Variants in METTL25 observed in about 807,000 individuals in gnomAD.
METTL25 encodes methyltransferase like 25, also known as probable methyltransferase-like protein 25.
A neutral mutation model predicts 71.6 loss-of-function variants in METTL25; 64 were observed. That is an observed-to-expected ratio of 0.89 (90% CI 0.73 to 1.10). The LOEUF (loss-of-function observed/expected upper bound fraction) is 1.10, where lower values mean the gene tolerates loss of function less well. METTL25 is among the 50% of genes least tolerant of loss of function. The pLI is 0.00. For synonymous variants in METTL25, 287 were observed against 250.3 expected (o/e 1.15, Z -1.38); for missense variants, 807 against 707.0 (o/e 1.14, Z -1.60).
chr12:82,434,747 G>A, intron 7 of METTL25, 23 bp downstream of exon 7: 1 of 1,604,594 alleles, frequency 6.2e-7, no homozygotes, highest in Non-Finnish European at 8.5e-7. Flanking sequence ...GTTAACTGAT[G>A]AACACGACAG....
chr12:82,439,897 TTC>T (rs1219391194), intron 8 of METTL25: 10 of 790,050 alleles, frequency 1.3e-5, no homozygotes, highest in Non-Finnish European at 1.5e-5. Flanking sequence ...TTAAATTTGT[TTC>T]TGTTCTTTTC....
chr12:82,414,627 G>T (rs1222409388), intron 5 of METTL25, among the ~76,000 whole-genome samples: 1 of 152,072 alleles, frequency 6.6e-6, no homozygotes, highest in Non-Finnish European at 1.5e-5. Context: ...CTTAAAAGAA[G>T]TAGTAAAGAG....
At chr12:82,367,079 T>C (rs1348212123) in intron 1 of METTL25, among the ~76,000 whole-genome samples, 1 of 152,218 alleles carries the variant, frequency 6.6e-6, no homozygotes, top group Non-Finnish European at 1.5e-5. Context: ...ATTTGTTTTC[T>C]AATTTTTAAT....
intron 11 of METTL25, among the ~76,000 whole-genome samples, chr12:82,477,751 A>G (rs1038774283): frequency 2.6e-5 from 4 of 151,822 alleles, no homozygotes; most frequent in African/African-American, 9.7e-5. Context: ...TCTGCAGAAT[A>G]GAAACTTCTT....
chr12:82,369,592 G>C, intron 1 of METTL25: 1 of 297,920 alleles, frequency 3.4e-6, no homozygotes, highest in Non-Finnish European at 6.7e-6. Context: ...AGGTGATGCA[G>C]ACCCAAAGAG....
At chr12:82,390,497 A>G (rs921418435) in intron 3 of METTL25, among the ~76,000 whole-genome samples, 1 of 151,930 alleles carries the variant, frequency 6.6e-6, no homozygotes, top group African/African-American at 2.4e-5. Context: ...ATAGTAAGTT[A>G]TTTTTCTTAT....
At chr12:82,423,373 C>T (rs1368145856) in intron 5 of METTL25, among the ~76,000 whole-genome samples, 1 of 152,128 alleles carries the variant, frequency 6.6e-6, no homozygotes, top group Non-Finnish European at 1.5e-5. Flanking sequence ...CTTCCTTACA[C>T]CTTATACAAA....
intron 1 of METTL25, among the ~76,000 whole-genome samples, chr12:82,360,909 G>C (rs1249362460): frequency 6.6e-6 from 1 of 152,154 alleles, no homozygotes; most frequent in Non-Finnish European, 1.5e-5. Flanking sequence ...CGGGTTCGTG[G>C]TCTCGCTGGC....
intron 1 of METTL25, among the ~76,000 whole-genome samples, chr12:82,378,191 T>G (rs10778902): frequency 0.85 from 129,079 of 152,170 alleles, 55,128 homozygotes; most frequent in East Asian, 1. Flanking sequence ...TGACAGTCAC[T>G]GAGGCTTAAT....
Position 82,477,305 on chromosome 12 carries a change from A to G in METTL25, c.1672A>G (p.Ile558Val), listed in dbSNP as rs567790363. The change falls in exon 11 of 12, where the codon ATA becomes GTA. Residue 558 changes from isoleucine (I) to valine (V), a missense_variant. Ile to Val is a conservative substitution (Grantham distance 29, BLOSUM62 3). Coordinates refer to ENST00000248306, the MANE Select transcript of METTL25 (RefSeq NM_032230.3). Reference sequence around the variant, plus strand: ...GTTGAAAGTTGTACTGGCTCCCTGTATAGAGACTTTGATTCTTCTGGATCG... The same window carrying G: ...GTTGAAAGTTGTACTGGCTCCCTGTGTAGAGACTTTGATTCTTCTGGATCG... ...NMLKVVLAPC[I>V]ETLILLDRLC... is the part of the protein sequence containing the mutation. 1.9e-6 allele frequency: 3 copies of G among 1,575,238 alleles called. No individual in the cohort carries two copies. Among genetic ancestry groups the G allele is most frequent in the African/African-American group, 1.4e-5 (1 of 73,548 alleles).
chr12:82,391,204 A>G (rs970202332), intron 3 of METTL25, among the ~76,000 whole-genome samples: 2 of 152,078 alleles, frequency 1.3e-5, no homozygotes, highest in Non-Finnish European at 2.9e-5. Context: ...AGGCAGAACA[A>G]GAACTGGACT....
intron 7 of METTL25, among the ~76,000 whole-genome samples, chr12:82,435,432 C>T (rs930148735): frequency 6.6e-6 from 1 of 151,338 alleles, no homozygotes; most frequent in African/African-American, 2.4e-5. Flanking sequence ...GGGCCAGAAA[C>T]ATTGTTAAGC....
At chr12:82,425,332 G>A (rs562414243) in intron 5 of METTL25, among the ~76,000 whole-genome samples, 1 of 152,164 alleles carries the variant, frequency 6.6e-6, no homozygotes, top group East Asian at 1.9e-4. Flanking sequence ...AGGCATTTGA[G>A]TTTTTGAGCC....
chr12:82,441,946 G>C (rs1347430522), intron 8 of METTL25, among the ~76,000 whole-genome samples: 1 of 151,916 alleles, frequency 6.6e-6, no homozygotes, highest in Non-Finnish European at 1.5e-5. Context: ...CGTTTGTGGA[G>C]GTATTAGATA....
rs181244129 is a variant in METTL25, at chr12:82,360,934, T to A, written c.259+2110T>A. Among the ~76,000 whole-genome samples, 795 of 152,330 alleles carry A rather than the reference T, an allele frequency of 5.2e-3. 4 individuals are homozygous for A. The highest frequency in any genetic ancestry group is 0.028 in the Admixed American group (429 of 15,308). ...GTCTCGCTGGCTTCAGGAGTGAAGC[T>A]GCAGACCTTTGCGGTGAGTGTTACA... is the stretch of plus-strand genomic sequence containing the variant. On this transcript the variant is annotated intron_variant, in intron 1 of 11. Transcript: ENST00000248306.
chr12:82,471,390 TA>T (rs1447145613), intron 9 of METTL25, among the ~76,000 whole-genome samples: 1 of 152,204 alleles, frequency 6.6e-6, no homozygotes, highest in Non-Finnish European at 1.5e-5. Context: ...CTATTCTCTA[TA>T]CCTTTCCTGG....
At chr12:82,434,444 A>G (rs1285122815) in intron 6 of METTL25, among the ~76,000 whole-genome samples, 1 of 151,542 alleles carries the variant, frequency 6.6e-6, no homozygotes, top group Non-Finnish European at 1.5e-5. Flanking sequence ...AGGACTGTAT[A>G]TAATTAGAAT....
At chr12:82,456,943 A>T (rs903312173) in intron 9 of METTL25, 123 bp downstream of exon 9, 2 of 420,394 alleles carry the variant, frequency 4.8e-6, no homozygotes, top group Non-Finnish European at 4.1e-6. Context: ...GGTCCAAATT[A>T]TATTGAAACA....
intron 3 of METTL25, among the ~76,000 whole-genome samples, chr12:82,397,536 T>G (rs539442765): frequency 1.3e-5 from 2 of 152,240 alleles, no homozygotes; most frequent in East Asian, 3.9e-4. Context: ...GTCACAATTT[T>G]TCTCCTGTTT....
Sources: allele counts gnomAD v4.1 joint callset (sites outside exome capture counted in the v4.1 genomes callset), GRCh38; gene constraint gnomAD v4.1.1; transcripts MANE v1.5; gene names NCBI Gene and HGNC (gene_info 2026-07-23, HGNC 2026-07-21).